CCSER2: variants seen among roughly 807,000 people sequenced by gnomAD.
CCSER2 encodes the protein coiled-coil serine rich protein 2, also known as serine-rich coiled-coil domain-containing protein 2.
CCSER2 carries 46 observed loss-of-function variants against 92.3 expected under a neutral mutation model. That is an observed-to-expected ratio of 0.50 (90% CI 0.39 to 0.64). The LOEUF is 0.64. Among genes scored for constraint, CCSER2 ranks in the 30% least tolerant of loss-of-function variants. The pLI, the probability that CCSER2 is intolerant of heterozygous loss-of-function variation, is 0.00. For missense variants in CCSER2, 1,244 were observed against 1,238.9 expected, an observed-to-expected ratio of 1.00 and a Z score of -0.06; for synonymous variants, 433 against 431.4, an observed-to-expected ratio of 1.00 and a Z score of -0.04.
intron 4 of CCSER2, chr10:84,425,156 T>G: frequency 8.1e-6 from 8 of 985,214 alleles, no homozygotes; most frequent in Non-Finnish European, 9.6e-6. Flanking sequence ...GGCTTTGTTT[T>G]CAGTGGCATT....
chr10:84,335,225 TCTC>T (rs1263513358), intron 1 of CCSER2, among the ~76,000 whole-genome samples: 4 of 111,688 alleles, frequency 3.6e-5, no homozygotes, highest in Non-Finnish European at 7.3e-5. Flanking sequence ...CTTCTCTCTC[TCTC>T]TTTTTTTTTT....
At chr10:84,352,595 C>T (rs1408177506) in intron 1 of CCSER2, among the ~76,000 whole-genome samples, 9 of 151,912 alleles carry the variant, frequency 5.9e-5, no homozygotes, top group Non-Finnish European at 7.4e-5. Context: ...CCTATCACCA[C>T]CACCACCACT....
chr10:84,351,049 A>T (rs188513952), intron 1 of CCSER2, among the ~76,000 whole-genome samples: 2 of 152,238 alleles, frequency 1.3e-5, no homozygotes, highest in Admixed American at 1.3e-4. Flanking sequence ...AATAACAAAT[A>T]TAACTGTAGA....
intron 3 of CCSER2, among the ~76,000 whole-genome samples, chr10:84,406,609 C>G (rs1392520658): frequency 6.6e-6 from 1 of 152,144 alleles, no homozygotes; most frequent in African/African-American, 2.4e-5. Context: ...TACGGGAAGC[C>G]TCTGGAAGCC....
Position 84,478,809 on chromosome 10 carries a change from A to G in CCSER2, c.2325+1145A>G, listed in dbSNP as rs374764413. On this transcript the variant is annotated intron_variant, in intron 9 of 9. Transcript: ENST00000372088. ...GTGGGAAAGTCTAGTTGAAAGAATC[A>G]AGGAGCTTGGTGAAGAAAATGAAGG... Among the ~76,000 whole-genome samples, 10 of 152,364 alleles carry G rather than the reference A, an allele frequency of 6.6e-5. No individual in the cohort carries two copies. In the East Asian group the frequency reaches 1.5e-3, roughly 23 times the overall value.
intron 4 of CCSER2, among the ~76,000 whole-genome samples, chr10:84,420,471 C>T (rs1047648426): frequency 6.6e-6 from 1 of 152,128 alleles, no homozygotes; most frequent in African/African-American, 2.4e-5. Context: ...CTTTTTATGG[C>T]TCTTAAGTCC....
intron 3 of CCSER2, among the ~76,000 whole-genome samples, chr10:84,382,347 G>A (rs1840960598): frequency 6.6e-6 from 1 of 152,138 alleles, no homozygotes; most frequent in South Asian, 2.1e-4. Context: ...GAGGAGTTGA[G>A]TAAATTGGCA....
At chr10:84,382,756 ATCTGGCTTTATTT>A (rs1371409989) in intron 3 of CCSER2, among the ~76,000 whole-genome samples, 1 of 152,220 alleles carries the variant, frequency 6.6e-6, no homozygotes, top group Non-Finnish European at 1.5e-5. Context: ...CACTGAAAGT[ATCTGGCTTTATTT>A]TTGTTTTATC....
chr10:84,463,869 G>C, intron 6 of CCSER2, 64 bp from the exon 7 acceptor site: 1 of 1,130,394 alleles, frequency 8.8e-7, no homozygotes, highest in South Asian at 1.3e-5. Context: ...GGTAAATTCA[G>C]GTTGAACTGA....
At chr10:84,511,835 G>A (rs999796917) in intron 9 of CCSER2, among the ~76,000 whole-genome samples, 5 of 152,100 alleles carry the variant, frequency 3.3e-5, no homozygotes, top group Non-Finnish European at 7.3e-5. Context: ...AGTATCTTCC[G>A]TTTTGCGGGA....
At chr10:84,485,185 A>C (rs930202033) in intron 9 of CCSER2, among the ~76,000 whole-genome samples, 2 of 152,212 alleles carry the variant, frequency 1.3e-5, no homozygotes, top group African/African-American at 4.8e-5. Flanking sequence ...ATTGTAGTAC[A>C]ATATCAAAAC....
At chr10:84,461,963 C>T (rs556334213) in intron 6 of CCSER2, among the ~76,000 whole-genome samples, 27 of 152,286 alleles carry the variant, frequency 1.8e-4, no homozygotes, top group African/African-American at 6.3e-4. Context: ...TGAGTTTAGG[C>T]TACAAGGTAC....
intron 3 of CCSER2, among the ~76,000 whole-genome samples, chr10:84,416,311 G>A (rs1842884264): frequency 6.6e-6 from 1 of 152,156 alleles, no homozygotes; most frequent in South Asian, 2.1e-4. Context: ...TATTTCAGTT[G>A]AAGGTGCTGA....
intron 3 of CCSER2, among the ~76,000 whole-genome samples, chr10:84,383,878 AT>A (rs1468005528): frequency 6.6e-6 from 1 of 152,226 alleles, no homozygotes; most frequent in African/African-American, 2.4e-5. Flanking sequence ...GATAAACAAA[AT>A]TGACAGGCTG....
rs552213547 is a variant in CCSER2, at chr10:84,349,928, C to T, written c.-39-21086C>T. Among the ~76,000 whole-genome samples the T allele has an allele frequency of 3.3e-5, 5 of 152,162 alleles. No homozygotes were observed. In the East Asian group the frequency reaches 9.7e-4, roughly 29 times the overall value. ...CAGCACTTTGTGAGGCCCAGGCAGG[C>T]GGATCACCTGAGGTCAGGAGTTCAA... On this transcript the variant is annotated intron_variant, in intron 1 of 9. Transcript: ENST00000372088.
intron 5 of CCSER2, among the ~76,000 whole-genome samples, chr10:84,435,690 C>A (rs894752902): frequency 3.6e-5 from 5 of 139,120 alleles, no homozygotes; most frequent in African/African-American, 1.3e-4. Context: ...ACCAAAAAAA[C>A]CAAAAACTCA....
chr10:84,387,198 T>C (rs1490872187), intron 3 of CCSER2, among the ~76,000 whole-genome samples: 1 of 152,198 alleles, frequency 6.6e-6, no homozygotes, highest in Non-Finnish European at 1.5e-5. Flanking sequence ...TCCCATCTAT[T>C]CCTCCTTTAA....
chr10:84,364,421 A>T (rs1589449150), intron 1 of CCSER2, among the ~76,000 whole-genome samples: 3 of 152,218 alleles, frequency 2.0e-5, no homozygotes, highest in Non-Finnish European at 4.4e-5. Context: ...TTTGTCATGA[A>T]GGCAGTTTTC....
rs1350102879 is a variant in CCSER2, at chr10:84,514,261, A to T, written c.3138A>T (p.Ile1046=). The T allele has an allele frequency of 2.0e-6, 3 of 1,531,966 alleles. No individual in the cohort carries two copies. In the South Asian group the frequency reaches 3.6e-5, roughly 18 times the overall value. The allele number at this position is 1,531,966 out of a possible 1,614,324, so 94.9% of individuals were successfully genotyped here. A position where few individuals can be genotyped will look rare whatever the true frequency, so the allele number is the denominator to read the frequency against. ...ATTCTCGTCTTCCTAAACCAAAGAT[A>T]CATTAAGTACATAGCCATCACCTGC... ...NRYSRLPKPK[I]H is the part of the protein sequence containing the mutation. The change falls in exon 10 of 10, where the codon ATA becomes ATT. Residue 1046 remains isoleucine, a synonymous_variant. Coordinates refer to ENST00000372088, the MANE Select transcript of CCSER2 (RefSeq NM_001284240.2).
Sources: gnomAD v4.1 joint callset for allele counts (sites outside exome capture counted in the v4.1 genomes callset) on GRCh38, gnomAD v4.1.1 for gene constraint, MANE v1.5 for transcripts, NCBI Gene and HGNC (gene_info 2026-07-23, HGNC 2026-07-21) for gene names.